SULT1E1: variants seen among roughly 807,000 people sequenced by gnomAD.
The protein encoded by SULT1E1 is sulfotransferase 1E1.
A neutral mutation model predicts 33.6 loss-of-function variants in SULT1E1; 36 were observed. The ratio of observed to expected loss-of-function variants is 1.07; its 90% CI spans 0.82 to 1.41. The LOEUF (loss-of-function observed/expected upper bound fraction) is 1.41, where lower values mean the gene tolerates loss of function less well. SULT1E1 is among the 40% of genes most tolerant of loss of function. The pLI, the probability that SULT1E1 is intolerant of heterozygous loss-of-function variation, is 0.00. For missense variants in SULT1E1, 371 were observed against 345.7 expected (o/e 1.07, Z -0.58); for synonymous variants, 121 against 111.7 (o/e 1.08, Z -0.53).
At chr4:69,847,579 TA>T in intron 6 of SULT1E1, 118 bp downstream of exon 6, 1 of 576,436 alleles carries the variant, frequency 1.7e-6, no homozygotes, top group Non-Finnish European at 2.9e-6. Flanking sequence ...CCTTTCCTTT[TA>T]AAAATTTACG....
downstream of SULT1E1, among the ~76,000 whole-genome samples, chr4:69,838,166 C>T (rs899513493): frequency 1.3e-4 from 20 of 152,160 alleles, no homozygotes; most frequent in African/African-American, 4.3e-4. Context: ...CCTCTGTTTT[C>T]CCATCTTTGT....
intron 2 of SULT1E1, among the ~76,000 whole-genome samples, chr4:69,857,012 T>A (rs937655050): frequency 1.3e-4 from 19 of 144,464 alleles, no homozygotes; most frequent in Non-Finnish European, 2.7e-4. Flanking sequence ...AAGTGGTAAA[T>A]GGAACAACCA....
At chr4:69,847,610 T>A in intron 6 of SULT1E1, 88 bp downstream of exon 6, 1 of 838,536 alleles carries the variant, frequency 1.2e-6, no homozygotes, top group South Asian at 2.1e-5. Context: ...TCATCATTTA[T>A]TTAAAGGAAT....
chr4:69,825,112 TGG>T, the SULT1E1 span, among the ~76,000 whole-genome samples: 3 of 151,842 alleles, frequency 2.0e-5, no homozygotes, highest in Non-Finnish European at 4.4e-5. Flanking sequence ...CGAAGGTCTG[TGG>T]CTTCACTCCT....
At chr4:69,821,904 T>A in the SULT1E1 span, among the ~76,000 whole-genome samples, 1 of 152,242 alleles carries the variant, frequency 6.6e-6, no homozygotes, top group Admixed American at 6.5e-5. Flanking sequence ...TGAGGTTTGA[T>A]AATTAAATCA....
At chr4:69,829,009 G>T in the SULT1E1 span, among the ~76,000 whole-genome samples, 2 of 152,174 alleles carry the variant, frequency 1.3e-5, no homozygotes, top group Admixed American at 1.3e-4. Context: ...TGGGAGTCTT[G>T]TCCAAGTGTA....
At chr4:69,823,884 C>T in the SULT1E1 span, among the ~76,000 whole-genome samples, 4 of 152,090 alleles carry the variant, frequency 2.6e-5, no homozygotes, top group Admixed American at 1.3e-4. Context: ...AATGAAGCCG[C>T]TCCTATCAAT....
Position 69,857,665 on chromosome 4 carries a change from C to T in SULT1E1, c.-9-12G>A, listed in dbSNP as rs376567302. On this transcript the variant is annotated splice_polypyrimidine_tract_variant and intron_variant, in intron 1 of 7. Coordinates refer to ENST00000226444, the MANE Select transcript of SULT1E1 (RefSeq NM_005420.3). ...TTCATTGTGGTACACTGAAAAAAAA[C>T]CTCTGCTTTATACTTTGTATGTACT... The T allele has an allele frequency of 2.4e-5, 37 of 1,572,246 alleles. No individual in the cohort carries two copies. In the African/African-American group the frequency reaches 4.5e-4, roughly 19 times the overall value.
chr4:69,823,961 A>G, the SULT1E1 span, among the ~76,000 whole-genome samples: 2 of 152,126 alleles, frequency 1.3e-5, no homozygotes, highest in Admixed American at 6.6e-5. Context: ...AGAACATTTC[A>G]TCTACCACAT....
intron 5 of SULT1E1, 149 bp from the exon 6 acceptor site, chr4:69,847,941 C>T (rs894012008): frequency 2.3e-6 from 1 of 433,564 alleles, no homozygotes; most frequent in African/African-American, 2.1e-5. Context: ...GCAAAGTTCT[C>T]TGCAGCAAGA....
At chr4:69,827,679 G>A in the SULT1E1 span, among the ~76,000 whole-genome samples, 1 of 152,104 alleles carries the variant, frequency 6.6e-6, no homozygotes, top group East Asian at 1.9e-4. Flanking sequence ...AAATCTGGAG[G>A]CATTATTAAA....
chr4:69,855,229 C>T (rs914785269), intron 3 of SULT1E1, 72 bp downstream of exon 3: 1 of 1,466,048 alleles, frequency 6.8e-7, no homozygotes, highest in Non-Finnish European at 9.2e-7. Flanking sequence ...CTTATAATCT[C>T]ATTGCTTGTA....
At chr4:69,822,522 G>A in the SULT1E1 span, among the ~76,000 whole-genome samples, 1 of 152,112 alleles carries the variant, frequency 6.6e-6, no homozygotes, top group African/African-American at 2.4e-5. Flanking sequence ...AGGCTTAGGT[G>A]GGAAGATCAT....
intron 3 of SULT1E1, 77 bp downstream of exon 3, chr4:69,855,224 A>G: frequency 2.1e-6 from 3 of 1,445,848 alleles, no homozygotes; most frequent in Non-Finnish European, 2.8e-6. Context: ...TCTTGCTTAT[A>G]ATCTCATTGC....
In SULT1E1 at chr4:69,841,227, G is replaced by A. The variant is rs1720879747; in HGVS notation, c.*767C>T. The A allele has an allele frequency of 6.6e-6, 1 of 151,982 alleles. No homozygotes were observed. Among genetic ancestry groups the A allele is most frequent in the Non-Finnish European group, 1.5e-5 (1 of 67,994 alleles). 9.4% of individuals were successfully genotyped at this position (151,982 alleles called of 1,614,324 possible). A position where few individuals can be genotyped will look rare whatever the true frequency, so the allele number is the denominator to read the frequency against. On this transcript the variant is annotated 3_prime_UTR_variant, in exon 8 of 8. Coordinates refer to ENST00000226444, the MANE Select transcript of SULT1E1 (RefSeq NM_005420.3). ...ATCACAAAAATAATTTGAAATGCTTGTTTATTTTTAATACAACTCTAACAA... is the reference window on the plus strand; with the variant it reads ...ATCACAAAAATAATTTGAAATGCTTATTTATTTTTAATACAACTCTAACAA...
intron 6 of SULT1E1, among the ~76,000 whole-genome samples, chr4:69,846,588 C>A (rs535419502): frequency 1.3e-5 from 2 of 151,468 alleles, no homozygotes; most frequent in Admixed American, 6.6e-5. Flanking sequence ...TATTGAATAT[C>A]TAACCTAATG....
chr4:69,843,783 T>C (rs1031885555), intron 7 of SULT1E1, among the ~76,000 whole-genome samples: 4 of 152,202 alleles, frequency 2.6e-5, no homozygotes, highest in Non-Finnish European at 5.9e-5. Flanking sequence ...ACTTATTTCT[T>C]CAACTCAAAA....
chr4:69,822,086 C>T, the SULT1E1 span, among the ~76,000 whole-genome samples: 1 of 152,152 alleles, frequency 6.6e-6, no homozygotes, highest in Non-Finnish European at 1.5e-5. Context: ...TGGAAAAGAA[C>T]AAACATTTAT....
chr4:69,831,197 A>C, the SULT1E1 span, among the ~76,000 whole-genome samples: 1 of 152,176 alleles, frequency 6.6e-6, no homozygotes, highest in African/African-American at 2.4e-5. Flanking sequence ...GAACCTAAGG[A>C]GGATGAGGAA....
Sources: allele counts gnomAD v4.1 joint callset (sites outside exome capture counted in the v4.1 genomes callset), GRCh38; gene constraint gnomAD v4.1.1; transcripts MANE v1.5; gene names NCBI Gene and HGNC (gene_info 2026-07-23, HGNC 2026-07-21).